The following KATNIP variants were observed in gnomAD, a reference collection of about 807,000 sequenced individuals.
The protein encoded by KATNIP is katanin-interacting protein.
KATNIP carries 126 observed loss-of-function variants against 174.0 expected under a neutral mutation model. The ratio of observed to expected loss-of-function variants is 0.72; its 90% CI spans 0.63 to 0.84. The LOEUF (loss-of-function observed/expected upper bound fraction) is 0.84. Ranked by LOEUF, KATNIP falls within the 40% of genes least tolerant of loss-of-function variation. The pLI is 0.00. For missense variants in KATNIP, 1,958 were observed against 2,109.7 expected, an observed-to-expected ratio of 0.93 and a Z score of 1.41; for synonymous variants, 810 against 835.7, an observed-to-expected ratio of 0.97 and a Z score of 0.53.
At chr16:27,739,367 G>A (rs950654610) in intron 14 of KATNIP, among the ~76,000 whole-genome samples, 2 of 152,164 alleles carry the variant, frequency 1.3e-5, no homozygotes, top group African/African-American at 4.8e-5. Flanking sequence ...GAGGGCCCCC[G>A]TGGGAAGGAG....
rs2076395807 is a variant in KATNIP at position 27,628,554 on chromosome 16, G to A, written c.141-107G>A. ...GCTGGGCACACGCCCCCTGGGCTCT[G>A]ATTAGAGACGCTTCACTGTGGGAAC... On this transcript the variant is annotated intron_variant, in intron 3 of 27. Coordinates refer to ENST00000261588, the MANE Select transcript of KATNIP (RefSeq NM_015202.5). 4 of 1,241,026 alleles carry A rather than the reference G, an allele frequency of 3.2e-6. No individual in the cohort carries two copies. In the African/African-American group the frequency reaches 4.5e-5, roughly 14 times the overall value. 76.9% of individuals were successfully genotyped at this position (1,241,026 alleles called of 1,614,324 possible). A position where few individuals can be genotyped will look rare whatever the true frequency, so the allele number is the denominator to read the frequency against.
chr16:27,713,809 CATATAT>C (rs60005285), intron 13 of KATNIP, among the ~76,000 whole-genome samples: 1,216 of 33,260 alleles, frequency 0.037, 18 homozygotes, highest in African/African-American at 0.044. Flanking sequence ...TGTGTATATA[CATATAT>C]ATATATATAT....
rs1272126292 is a variant in KATNIP at position 27,571,478 on chromosome 16, ACCTAAT to A, written c.8-2422_8-2417del. On this transcript the variant is annotated intron_variant, in intron 1 of 27. Coordinates refer to ENST00000261588, the MANE Select transcript of KATNIP (RefSeq NM_015202.5). Reference sequence around the variant, plus strand: ...AAAAAAAAAACTATGGCCCATAGAGACCTAATGACTTATCCAAGGTCCCATAGCTGT... The same window carrying A: ...AAAAAAAAAACTATGGCCCATAGAGAGACTTATCCAAGGTCCCATAGCTGT... Among the ~76,000 whole-genome samples the A allele has an allele frequency of 2.0e-5, 3 of 151,016 alleles. No homozygotes were observed. In the East Asian group the frequency reaches 5.8e-4, roughly 29 times the overall value.
rs149491260 is a variant in KATNIP, at chr16:27,576,206, T to A, written c.63+2250T>A. On this transcript the variant is annotated intron_variant, in intron 2 of 27. Transcript: ENST00000261588. ...CCTTCTCTCTCTGTCTCTCTCTAGC[T>A]ACGGGACTCCCCTAATTGCTGCTTT... Among the ~76,000 whole-genome samples the A allele has an allele frequency of 3.1e-4, 47 of 152,332 alleles. 1 individual carries two copies. The highest frequency in any genetic ancestry group is 8.4e-4 in the African/African-American group (35 of 41,572).
rs2144355951 is a variant in KATNIP at position 27,780,206 on chromosome 16, C to T, written c.*1577C>T. On this transcript the variant is annotated 3_prime_UTR_variant, in exon 28 of 28. Transcript: ENST00000261588. ...GGTCAGATTTGTCAGGGAGATGGCACTAACACGACACAAGCTCACTCCCAG... is the reference window on the plus strand; with the variant it reads ...GGTCAGATTTGTCAGGGAGATGGCATTAACACGACACAAGCTCACTCCCAG... 6.6e-6 allele frequency: 1 copy of T among 152,246 alleles called. No homozygotes were observed. Among genetic ancestry groups the T allele is most frequent in the Middle Eastern group, 3.4e-3 (1 of 294 alleles). 9.4% of individuals were successfully genotyped at this position (152,246 alleles called of 1,614,324 possible).
intron 13 of KATNIP, among the ~76,000 whole-genome samples, chr16:27,718,996 C>A (rs531684004): frequency 6.6e-6 from 1 of 152,162 alleles, no homozygotes; most frequent in Non-Finnish European, 1.5e-5. Context: ...GTAGCAGGCA[C>A]GTTCCTGGTG....
At chr16:27,714,645 AC>A (rs1369520861) in intron 13 of KATNIP, among the ~76,000 whole-genome samples, 1 of 152,176 alleles carries the variant, frequency 6.6e-6, no homozygotes, top group Non-Finnish European at 1.5e-5. Flanking sequence ...ATTGCTATTG[AC>A]CTTACAGAAA....
intron 2 of KATNIP, among the ~76,000 whole-genome samples, chr16:27,608,399 C>CTTTTTTTTTTTTT (rs11374534): frequency 2.1e-4 from 20 of 97,550 alleles, no homozygotes; most frequent in Non-Finnish European, 2.7e-4. Context: ...ACTGGTGAAT[C>CTTTTTTTTTTTTT]TTTTTTTTTT....
chr16:27,736,616 A>G (rs1306806205), intron 14 of KATNIP, among the ~76,000 whole-genome samples: 1 of 152,186 alleles, frequency 6.6e-6, no homozygotes, highest in East Asian at 1.9e-4. Flanking sequence ...AGCCACATCA[A>G]GGAATCGAGG....
intron 5 of KATNIP, among the ~76,000 whole-genome samples, chr16:27,639,660 G>C (rs555395533): frequency 8.5e-5 from 13 of 152,316 alleles, no homozygotes; most frequent in African/African-American, 3.1e-4. Context: ...TCCTGTTGTG[G>C]CCTGTGCAGC....
chr16:27,618,287 A>G, intron 2 of KATNIP, 138 bp from the exon 3 acceptor site: 1 of 638,412 alleles, frequency 1.6e-6, no homozygotes, highest in South Asian at 1.8e-5. Flanking sequence ...TCGCTGGAGC[A>G]ATGCGCCTGG....
chr16:27,618,499 C>T lies in KATNIP; in HGVS notation c.138C>T (p.Asn46=), dbSNP rs1294183832. Residue 46 remains asparagine (N), a splice_region_variant and synonymous_variant, in exon 3 of 28, where the codon AAC becomes AAT. Coordinates refer to ENST00000261588, the MANE Select transcript of KATNIP (RefSeq NM_015202.5). The stretch of plus-strand genomic sequence containing the variant: ...ATTTAATATTGCTTCAGCAGAGGAA[C>T]CGGTAAGAGAAGCCACTCGACGGCA... ...DEYLILLQQR[N]RILKHLKSKD... 15 of 1,607,984 alleles carry T rather than the reference C, an allele frequency of 9.3e-6. No homozygotes were observed. The Admixed American group carries it at 2.3e-4, about 25-fold the overall frequency.
chr16:27,582,644 G>T (rs577299671), intron 2 of KATNIP, among the ~76,000 whole-genome samples: 2 of 152,246 alleles, frequency 1.3e-5, no homozygotes, highest in South Asian at 4.1e-4. Context: ...ACCAAACAGC[G>T]TGGATTCCTA....
chr16:27,699,907 T>C (rs1245052767), intron 10 of KATNIP, among the ~76,000 whole-genome samples: 13 of 151,788 alleles, frequency 8.6e-5, no homozygotes, highest in Admixed American at 7.9e-4. Flanking sequence ...TATTTTTTTA[T>C]TTTATTTATT....
intron 6 of KATNIP, among the ~76,000 whole-genome samples, chr16:27,673,745 ACCTCTG>A: frequency 6.6e-6 from 1 of 152,058 alleles, no homozygotes. Context: ...CCCAGTTCAG[ACCTCTG>A]CTTTAAAGCA....
chr16:27,635,382 G>C (rs1269066714), intron 5 of KATNIP, among the ~76,000 whole-genome samples: 1 of 152,172 alleles, frequency 6.6e-6, no homozygotes, highest in Non-Finnish European at 1.5e-5. Context: ...CCCAGGAGGA[G>C]TGTGGGATGG....
rs557548894 is a variant in KATNIP, at chr16:27,750,122, G to T, written c.3162G>T (p.Arg1054=). The part of the protein sequence containing the change: ...DMHVWLAPFT[R]GRSHSITIDF... ...ATGTCTGGCTGGCCCCCTTCACGCGGGGCAGATCCCACTCCATCACCATTG... is the reference window on the plus strand; with the variant it reads ...ATGTCTGGCTGGCCCCCTTCACGCGTGGCAGATCCCACTCCATCACCATTG... The change falls in exon 16 of 28, where the codon CGG becomes CGT. Residue 1054 remains arginine (R), a synonymous_variant. Coordinates refer to ENST00000261588, the MANE Select transcript of KATNIP (RefSeq NM_015202.5). 6 of 1,614,120 alleles carry T rather than the reference G, an allele frequency of 3.7e-6. No individual in the cohort carries two copies. In the Admixed American group the frequency reaches 1.0e-4, roughly 27 times the overall value.
At chr16:27,609,761 A>G (rs2075832947) in intron 2 of KATNIP, among the ~76,000 whole-genome samples, 1 of 148,990 alleles carries the variant, frequency 6.7e-6, no homozygotes, top group Non-Finnish European at 1.5e-5. Flanking sequence ...GCATGATCTC[A>G]GCTCACTGCA....
At chr16:27,585,002 C>T (rs1191909398) in intron 2 of KATNIP, among the ~76,000 whole-genome samples, 2 of 152,148 alleles carry the variant, frequency 1.3e-5, no homozygotes, top group Non-Finnish European at 2.9e-5. Flanking sequence ...TGCCACTCCC[C>T]CTCCTCCCTG....
Sources: allele counts gnomAD v4.1 joint callset (sites outside exome capture counted in the v4.1 genomes callset), GRCh38; gene constraint gnomAD v4.1.1; transcripts MANE v1.5; gene names NCBI Gene and HGNC (gene_info 2026-07-23, HGNC 2026-07-21).